The following SYNM variants were observed in gnomAD, a reference collection of about 807,000 sequenced individuals.
The protein encoded by SYNM is synemin, also known as desmuslin.
Under a neutral mutation model 104.0 loss-of-function variants are expected in SYNM, and 95 were observed. That is an observed-to-expected ratio of 0.91 (90% CI 0.77 to 1.08). SYNM has a LOEUF of 1.08. SYNM is among the 50% of genes least tolerant of loss of function. The pLI, the probability that SYNM is intolerant of heterozygous loss-of-function variation, is 0.00. For missense variants in SYNM, 2,150 were observed against 2,052.2 expected (o/e 1.05, Z -0.92); for synonymous variants, 918 against 869.0 (o/e 1.06, Z -0.99).
Position 99,129,448 on chromosome 15 carries a change from C to A in SYNM, c.1088C>A (p.Ala363Glu), listed in dbSNP as rs1254705544. The A allele has an allele frequency of 6.2e-7, 1 of 1,613,866 alleles. No homozygotes were observed. Among genetic ancestry groups the A allele is most frequent in the Non-Finnish European group, 8.5e-7 (1 of 1,179,902 alleles). Residue 363 changes from alanine (A) to glutamate (E), a missense_variant, in exon 4 of 4, where the codon GCA becomes GAA. Transcript: ENST00000336292. ...NERNLFSRQK[A>E]PLASFNHSSA... ...AGGAATCTATTTTCAAGGCAGAAAGCACCTTTGGCAAGTTTCAATCACAGC... is the reference window on the plus strand; with the variant it reads ...AGGAATCTATTTTCAAGGCAGAAAGAACCTTTGGCAAGTTTCAATCACAGC...
At chr15:99,112,775 A>G (rs2067310992) in intron 1 of SYNM, among the ~76,000 whole-genome samples, 1 of 152,162 alleles carries the variant, frequency 6.6e-6, no homozygotes. Context: ...CAGTGGCATG[A>G]TCTTGGCTCA....
At chr15:99,111,997 C>T (rs781810982) in intron 1 of SYNM, among the ~76,000 whole-genome samples, 4 of 152,208 alleles carry the variant, frequency 2.6e-5, no homozygotes, top group African/African-American at 4.8e-5. Flanking sequence ...TGCAGTGAGC[C>T]GAGATTGTGC....
chr15:99,118,341 GCGCTCTTCTGAC>G (rs1555484170), intron 2 of SYNM, among the ~76,000 whole-genome samples: 1 of 152,198 alleles, frequency 6.6e-6, no homozygotes, highest in Non-Finnish European at 1.5e-5. Flanking sequence ...TCGTGGACTT[GCGCTCTTCTGAC>G]CCTTATTCTT....
chr15:99,108,861 T>C (rs782256666), intron 1 of SYNM, among the ~76,000 whole-genome samples: 18 of 152,252 alleles, frequency 1.2e-4, no homozygotes, highest in Non-Finnish European at 2.2e-4. Flanking sequence ...AGCATAATGA[T>C]AATTGCTCTT....
chr15:99,106,783 C>T (rs530276650), intron 1 of SYNM, among the ~76,000 whole-genome samples: 1 of 152,204 alleles, frequency 6.6e-6, no homozygotes, highest in East Asian at 1.9e-4. Flanking sequence ...CCAGTCCAGC[C>T]CTAGCGTTTG....
intron 1 of SYNM, among the ~76,000 whole-genome samples, chr15:99,112,325 G>A (rs1437385900): frequency 2.6e-5 from 4 of 152,290 alleles, no homozygotes; most frequent in Middle Eastern, 3.4e-3. Flanking sequence ...AAAAGTACAT[G>A]GACTTATTTC....
In SYNM at chr15:99,131,904, C is replaced by CCA. The variant is rs1226397890; in HGVS notation, c.3546_3547dup (p.Leu1183HisfsTer9). The stretch of plus-strand genomic sequence containing the variant: ...TGTCACGCTGGGTCCCGGTCAAAGT[C>CCA]CACTGTCCAGAGAAGTCATCTTCCT... On this transcript the variant is annotated frameshift_variant, in exon 4 of 4. Coordinates refer to ENST00000336292, the MANE Select transcript of SYNM (RefSeq NM_145728.3). LOFTEE classifies it high-confidence loss of function. The surrounding 1 kb of genome is among the most constrained non-coding windows in gnomAD (Gnocchi z 4.3). 1 of 1,613,850 alleles carries CCA rather than the reference C, an allele frequency of 6.2e-7. No individual in the cohort carries two copies. The highest frequency in any genetic ancestry group is 2.2e-5 in the East Asian group (1 of 44,894).
downstream of SYNM, among the ~76,000 whole-genome samples, chr15:99,135,756 G>A (rs944029114): frequency 2.6e-5 from 4 of 152,142 alleles, no homozygotes; most frequent in Non-Finnish European, 4.4e-5. Flanking sequence ...CACCTGAATC[G>A]GAACTCAATA....
chr15:99,139,606 T>C (rs1364833951), downstream of SYNM: 1 of 1,526,078 alleles, frequency 6.6e-7, no homozygotes, highest in African/African-American at 1.4e-5. Context: ...TTTAGCACTA[T>C]TTCACAAAAC....
At chr15:99,139,052 G>A (rs1228049058), downstream of SYNM, 1 of 499,758 alleles carries the variant, frequency 2.0e-6, no homozygotes. Context: ...CCTGCAGCAG[G>A]TGCCTTAGCC....
At chr15:99,118,538 T>A (rs1555484192) in intron 2 of SYNM, among the ~76,000 whole-genome samples, 1 of 152,212 alleles carries the variant, frequency 6.6e-6, no homozygotes, top group Non-Finnish European at 1.5e-5. Context: ...ATTTGTCCAT[T>A]GTCCCAAGGA....
intron 2 of SYNM, among the ~76,000 whole-genome samples, chr15:99,122,926 A>G (rs1194668272): frequency 2.0e-5 from 3 of 152,240 alleles, no homozygotes; most frequent in African/African-American, 4.8e-5. Flanking sequence ...ACATTCAGTT[A>G]ACTATAAAAT....
Position 99,132,036 on chromosome 15 carries a change from A to C in SYNM, c.3676A>C (p.Arg1226=). 1 of 1,613,990 alleles carries C rather than the reference A, an allele frequency of 6.2e-7. No homozygotes were observed. The highest frequency in any genetic ancestry group is 8.5e-7 in the Non-Finnish European group (1 of 1,179,900). ...GSGRHSTFGC[R]QFHAEKEIIF... is the part of the protein sequence containing the mutation. ...AGGGAGGCACAGCACATTTGGCTGC[A>C]GACAATTTCATGCTGAAAAGGAGAT... Residue 1226 remains arginine (R), a synonymous_variant, in exon 4 of 4, where the codon AGA becomes CGA. Transcript: ENST00000336292.
chr15:99,124,557 A>G (rs1555484865), intron 2 of SYNM, among the ~76,000 whole-genome samples: 1 of 152,208 alleles, frequency 6.6e-6, no homozygotes, highest in African/African-American at 2.4e-5. Context: ...TGAAATCACC[A>G]AGAGAATTTA....
chr15:99,106,548 C>G (rs576830879), intron 1 of SYNM, among the ~76,000 whole-genome samples: 2 of 152,334 alleles, frequency 1.3e-5, no homozygotes, highest in East Asian at 3.9e-4. Context: ...CTTGTTTGAT[C>G]TTGGGAGGGG....
At position 99,116,605 on chromosome 15, in the gene SYNM, G is replaced by A. The variant is rs797031796; in HGVS notation, c.935+2890G>A. ...AGGAAGCATACAGTCATGGTGGAAG[G>A]TGAAAGGGCAGCAGGCATGTCACAT... On this transcript the variant is annotated intron_variant, in intron 2 of 3. Transcript: ENST00000336292. 1.5e-4 allele frequency among the ~76,000 whole-genome samples: 21 copies of A among 143,882 alleles called. 2 individuals carry two copies. Among genetic ancestry groups the A allele is most frequent in the African/African-American group, 4.7e-4 (19 of 40,334 alleles). 94.4% of individuals were successfully genotyped at this position (143,882 alleles called of 152,430 possible).
chr15:99,133,238 T>A lies in SYNM; in HGVS notation c.*180T>A. The A allele has an allele frequency of 7.6e-7, 1 of 1,321,752 alleles. No individual in the cohort carries two copies. The allele number at this position is 1,321,752 out of a possible 1,614,324, so 81.9% of individuals were successfully genotyped here. A position where few individuals can be genotyped will look rare whatever the true frequency, so the allele number is the denominator to read the frequency against. On this transcript the variant is annotated 3_prime_UTR_variant, in exon 4 of 4. Transcript: ENST00000336292. ...TTAATCCGTAAAGGTTTCCAGTTAA[T>A]TCATGCCTTAAAAGGCACTGCAATT...
rs1243046397 is a variant in SYNM, at chr15:99,133,147, CTA to C, written c.*91_*92del. ...ACTTATTTTAAGAGGCCGAGGGAGT[CTA>C]TGAAAATCTCCCCTTTTTTACTTTT... On this transcript the variant is annotated 3_prime_UTR_variant, in exon 4 of 4. Transcript: ENST00000336292. 5.9e-6 allele frequency: 9 copies of C among 1,534,992 alleles called. No homozygotes were observed. Among genetic ancestry groups the C allele is most frequent in the East Asian group, 2.3e-5 (1 of 42,658 alleles).
downstream of SYNM, chr15:99,137,856 G>A: frequency 8.1e-7 from 1 of 1,228,184 alleles, no homozygotes; most frequent in South Asian, 1.5e-5. Context: ...CCCACGGGAG[G>A]CTTATGGTCT....
Sources: allele counts gnomAD v4.1 joint callset (sites outside exome capture counted in the v4.1 genomes callset), GRCh38; gene constraint gnomAD v4.1.1; non-coding constraint Gnocchi (gnomAD v3.1); transcripts MANE v1.5; gene names NCBI Gene and HGNC (gene_info 2026-07-23, HGNC 2026-07-21).